The following OR9Q1 variants were observed in gnomAD, a reference collection of about 807,000 sequenced individuals.
OR9Q1 encodes olfactory receptor family 9 subfamily Q member 1.
For synonymous variants in OR9Q1, 153 were observed against 148.6 expected, an observed-to-expected ratio of 1.03 and a Z score of -0.22; for missense variants, 374 against 378.8, an observed-to-expected ratio of 0.99 and a Z score of 0.11.
At chr11:58,095,430 T>G (rs1226775650) in intron 2 of OR9Q1, among the ~76,000 whole-genome samples, 1 of 152,214 alleles carries the variant, frequency 6.6e-6, no homozygotes, top group Non-Finnish European at 1.5e-5. Flanking sequence ...CTTGTATTAG[T>G]TCGTTCTCCT....
intron 2 of OR9Q1, among the ~76,000 whole-genome samples, chr11:58,112,042 C>A (rs184372162): frequency 6.6e-6 from 1 of 151,798 alleles, no homozygotes; most frequent in African/African-American, 2.4e-5. Flanking sequence ...AATCCCAGCA[C>A]TTTTGGAGGC....
At chr11:58,147,613 C>G (rs2514196) in intron 2 of OR9Q1, among the ~76,000 whole-genome samples, 150,797 of 152,298 alleles carry the variant, frequency 0.99, 74,674 homozygotes, top group East Asian at 1. Context: ...TGATACATCC[C>G]CAGTATTTTA....
At chr11:58,081,104 G>T (rs1853583571) in intron 2 of OR9Q1, among the ~76,000 whole-genome samples, 1 of 152,102 alleles carries the variant, frequency 6.6e-6, no homozygotes, top group African/African-American at 2.4e-5. Flanking sequence ...TGCTTAGAAT[G>T]ATGGTTTCCA....
intron 2 of OR9Q1, among the ~76,000 whole-genome samples, chr11:58,167,519 T>G (rs545620482): frequency 1.5e-4 from 23 of 152,322 alleles, no homozygotes; most frequent in African/African-American, 5.5e-4. Context: ...ATTGCCATAT[T>G]AACTTACTGG....
At chr11:58,034,812 TC>T (rs1447687988) in intron 1 of OR9Q1, among the ~76,000 whole-genome samples, 1 of 142,648 alleles carries the variant, frequency 7.0e-6, no homozygotes. Context: ...CTTCCTTCCT[TC>T]CTTCCTTCCT....
chr11:58,158,922 C>G (rs558926888), intron 2 of OR9Q1, among the ~76,000 whole-genome samples: 1 of 152,184 alleles, frequency 6.6e-6, no homozygotes, highest in Non-Finnish European at 1.5e-5. Flanking sequence ...AAGGAACACT[C>G]CCTAGGTTCC....
At chr11:58,106,895 A>G (rs2120098621) in intron 2 of OR9Q1, among the ~76,000 whole-genome samples, 2 of 152,240 alleles carry the variant, frequency 1.3e-5, no homozygotes, top group South Asian at 4.1e-4. Context: ...GAATTACTAT[A>G]TTTTGAAATC....
At chr11:58,089,651 A>G (rs1343273406) in intron 2 of OR9Q1, among the ~76,000 whole-genome samples, 1 of 151,916 alleles carries the variant, frequency 6.6e-6, no homozygotes, top group African/African-American at 2.4e-5. Flanking sequence ...TTTTGGTTCC[A>G]TATGAAATTT....
chr11:58,083,426 T>C (rs1300571703), intron 2 of OR9Q1, among the ~76,000 whole-genome samples: 1 of 151,038 alleles, frequency 6.6e-6, no homozygotes, highest in East Asian at 1.9e-4. Flanking sequence ...CTGTTTACTG[T>C]GTAGATAGTT....
At chr11:58,137,072 G>A (rs770610431) in intron 2 of OR9Q1, among the ~76,000 whole-genome samples, 13 of 152,174 alleles carry the variant, frequency 8.5e-5, no homozygotes, top group Non-Finnish European at 1.8e-4. Flanking sequence ...AATGCAGAGA[G>A]GGCTGATGAT....
At chr11:58,036,091 T>G (rs183370137) in intron 1 of OR9Q1, among the ~76,000 whole-genome samples, 254 of 152,310 alleles carry the variant, frequency 1.7e-3, no homozygotes, top group Non-Finnish European at 3.3e-3. Context: ...ACTGTTATTA[T>G]TATATGTGTC....
rs187156316 is a variant in OR9Q1, at chr11:58,073,027, C to G, written c.-15+17080C>G. On this transcript the variant is annotated intron_variant, in intron 2 of 2. Coordinates refer to ENST00000335397, the MANE Select transcript of OR9Q1 (RefSeq NM_001005212.4). ...CCTCTCCATTTCTGGTTTTTCTTAC[C>G]TGCCTTTCCTGAGCCATAAACTGTG... 2.4e-5 allele frequency: 5 copies of G among 210,268 alleles called. No homozygotes were observed. In the East Asian group the frequency reaches 6.2e-4, roughly 26 times the overall value. 13.0% of individuals were successfully genotyped at this position (210,268 alleles called of 1,614,324 possible).
chr11:58,083,785 T>A (rs1379679745), intron 2 of OR9Q1, among the ~76,000 whole-genome samples: 1 of 151,870 alleles, frequency 6.6e-6, no homozygotes, highest in African/African-American at 2.4e-5. Context: ...GTGGATTTAC[T>A]TCTGGGTTCA....
chr11:58,095,776 A>G (rs1208303052), intron 2 of OR9Q1, among the ~76,000 whole-genome samples: 1 of 152,168 alleles, frequency 6.6e-6, no homozygotes, highest in Non-Finnish European at 1.5e-5. Flanking sequence ...TTGAATGGGG[A>G]CACAAAGCCA....
At chr11:58,145,199 C>G (rs1024487292) in intron 2 of OR9Q1, 1 of 152,250 alleles carries the variant, frequency 6.6e-6, no homozygotes, top group Non-Finnish European at 1.5e-5. Flanking sequence ...CCTTCTCCAC[C>G]TGTGCTTCTC....
At chr11:58,109,299 G>A (rs1236090020) in intron 2 of OR9Q1, 3 of 461,854 alleles carry the variant, frequency 6.5e-6, no homozygotes, top group Non-Finnish European at 1.3e-5. Flanking sequence ...CAACAAAGCG[G>A]TCATAGGCCA....
At chr11:58,109,867 C>G in intron 2 of OR9Q1, among the ~76,000 whole-genome samples, 1 of 152,106 alleles carries the variant, frequency 6.6e-6, no homozygotes, top group East Asian at 1.9e-4. Flanking sequence ...GAAATTGGAC[C>G]TTGGTGCAGT....
chr11:58,146,925 G>A (rs116476185), intron 2 of OR9Q1, among the ~76,000 whole-genome samples: 1,655 of 152,276 alleles, frequency 0.011, 32 homozygotes, highest in African/African-American at 0.038. Flanking sequence ...TTTGCTTGGG[G>A]ACTTGTGGAC....
chr11:58,082,673 C>A (rs184619628), intron 2 of OR9Q1, among the ~76,000 whole-genome samples: 19,971 of 136,104 alleles, frequency 0.15, 2,903 homozygotes, highest in African/African-American at 0.33. Context: ...GTGCAGCACA[C>A]CAGCATGGCA....
Sources: allele counts gnomAD v4.1 joint callset (sites outside exome capture counted in the v4.1 genomes callset), GRCh38; gene constraint gnomAD v4.1.1; transcripts MANE v1.5; gene names NCBI Gene and HGNC (gene_info 2026-07-23, HGNC 2026-07-21).